The following SPPL3 variants were observed in gnomAD, a reference collection of about 807,000 sequenced individuals.
SPPL3 encodes signal peptide peptidase-like 3.
Under a neutral mutation model 42.4 loss-of-function variants are expected in SPPL3, and 5 were observed. The observed-to-expected ratio is 0.12, with a 90% CI of 0.06 to 0.25. SPPL3 has a LOEUF of 0.25. Ranked by LOEUF, SPPL3 falls within the 10% of genes least tolerant of loss-of-function variation. The pLI, the probability that SPPL3 is intolerant of heterozygous loss-of-function variation, is 1.00. For missense variants in SPPL3, 235 were observed against 489.0 expected, an observed-to-expected ratio of 0.48 and a Z score of 4.90; for synonymous variants, 195 against 181.8, an observed-to-expected ratio of 1.07 and a Z score of -0.58.
intron 3 of SPPL3, among the ~76,000 whole-genome samples, chr12:120,789,443 C>T (rs1467399433): frequency 9.9e-5 from 2 of 20,194 alleles, no homozygotes; most frequent in Non-Finnish European, 2.2e-4. Flanking sequence ...GACAGTGAGA[C>T]TCTGTCTCAA....
chr12:120,809,962 G>T (rs936785351), intron 2 of SPPL3, among the ~76,000 whole-genome samples: 2 of 149,052 alleles, frequency 1.3e-5, no homozygotes, highest in African/African-American at 2.5e-5. Flanking sequence ...AAGCATTTTA[G>T]GACAACATAA....
chr12:120,780,690 C>T (rs1415501538), intron 6 of SPPL3, among the ~76,000 whole-genome samples: 2 of 150,236 alleles, frequency 1.3e-5, no homozygotes, highest in Non-Finnish European at 3.0e-5. Context: ...GGGTTCGAGA[C>T]TAGCCTGACC....
At chr12:120,847,635 T>C (rs1872086107) in intron 1 of SPPL3, among the ~76,000 whole-genome samples, 1 of 151,814 alleles carries the variant, frequency 6.6e-6, no homozygotes, top group African/African-American at 2.4e-5. Context: ...CTCACTCTCT[T>C]GCCCAGGACG....
chr12:120,829,468 TACCTGCAGTC>T (rs1339940527), intron 1 of SPPL3, among the ~76,000 whole-genome samples: 2 of 151,894 alleles, frequency 1.3e-5, no homozygotes, highest in Non-Finnish European at 2.9e-5. Flanking sequence ...TGATGGTATA[TACCTGCAGTC>T]CCAGCTACTC....
chr12:120,821,170 A>C (rs1277548723), intron 1 of SPPL3, among the ~76,000 whole-genome samples: 2 of 152,240 alleles, frequency 1.3e-5, no homozygotes, highest in African/African-American at 4.8e-5. Context: ...CTTATTGCCT[A>C]GGATAGATAA....
Position 120,810,718 on chromosome 12 carries a change from T to A in SPPL3, c.101+91A>T. ...AATCCTGCCGAAGTCCTGTTTTTCT[T>A]CACAGAGTAAGTTTTGGTACCAGCA... On this transcript the variant is annotated intron_variant, in intron 2 of 10. Coordinates refer to ENST00000353487, the MANE Select transcript of SPPL3 (RefSeq NM_139015.5). 3.1e-6 allele frequency: 3 copies of A among 974,092 alleles called. No homozygotes were observed. In the East Asian group the frequency reaches 7.3e-5, roughly 24 times the overall value. The allele number at this position is 974,092 out of a possible 1,614,324, so 60.3% of individuals were successfully genotyped here.
At chr12:120,832,657 A>G (rs560026566) in intron 1 of SPPL3, among the ~76,000 whole-genome samples, 2 of 150,488 alleles carry the variant, frequency 1.3e-5, no homozygotes, top group East Asian at 3.9e-4. Context: ...CAAGAACGAA[A>G]CTCCGTCTCA....
chr12:120,865,378 C>A (rs546474907), intron 1 of SPPL3, among the ~76,000 whole-genome samples: 76 of 152,326 alleles, frequency 5.0e-4, no homozygotes, highest in Middle Eastern at 3.4e-3. Context: ...AGCACAGGCT[C>A]TAAAGTCAGT....
At chr12:120,857,657 G>T (rs1160263901) in intron 1 of SPPL3, among the ~76,000 whole-genome samples, 4 of 152,192 alleles carry the variant, frequency 2.6e-5, no homozygotes, top group Non-Finnish European at 5.9e-5. Flanking sequence ...ATTAGATCAT[G>T]TCCTTTTCAG....
rs549517104 is a variant in SPPL3 at position 120,765,443 on chromosome 12, A to G, written c.1084-373T>C. Among the ~76,000 whole-genome samples the G allele has an allele frequency of 6.6e-5, 10 of 150,952 alleles. No homozygotes were observed. The East Asian group carries it at 1.8e-3, about 27-fold the overall frequency. ...GCTGGGATTACAGGCACTCACCACC[A>G]TGCCCAGTTCATTTTTGTGTTTTTA... On this transcript the variant is annotated intron_variant, in intron 10 of 10. Transcript: ENST00000353487.
At chr12:120,884,579 T>C (rs1295190761) in intron 1 of SPPL3, among the ~76,000 whole-genome samples, 3 of 150,530 alleles carry the variant, frequency 2.0e-5, no homozygotes, top group East Asian at 1.9e-4. Flanking sequence ...ACTGTCACAA[T>C]ATATGGATTT....
intron 1 of SPPL3, among the ~76,000 whole-genome samples, chr12:120,877,380 G>C (rs1873137103): frequency 6.6e-6 from 1 of 151,526 alleles, no homozygotes. Flanking sequence ...GCATTACCCT[G>C]ATACCAAAAC....
At chr12:120,832,627 T>C (rs1029418747) in intron 1 of SPPL3, among the ~76,000 whole-genome samples, 10 of 151,776 alleles carry the variant, frequency 6.6e-5, no homozygotes, top group Admixed American at 3.3e-4. Flanking sequence ...GATCACACCA[T>C]TGCACTCCGG....
At chr12:120,854,385 T>C (rs1373892848) in intron 1 of SPPL3, among the ~76,000 whole-genome samples, 1 of 152,214 alleles carries the variant, frequency 6.6e-6, no homozygotes, top group South Asian at 2.1e-4. Flanking sequence ...CATACTCTAG[T>C]AGTCTGATGC....
chr12:120,846,214 A>C (rs766907334), intron 1 of SPPL3, among the ~76,000 whole-genome samples: 7 of 152,226 alleles, frequency 4.6e-5, no homozygotes, highest in Non-Finnish European at 8.8e-5. Context: ...TGGCACATAC[A>C]TAACAAGAGC....
intron 1 of SPPL3, among the ~76,000 whole-genome samples, chr12:120,870,107 GA>G (rs1403965947): frequency 1.3e-5 from 2 of 152,040 alleles, no homozygotes; most frequent in Non-Finnish European, 2.9e-5. Context: ...TGTCAACATG[GA>G]AAAAAGAACA....
intron 6 of SPPL3, among the ~76,000 whole-genome samples, chr12:120,772,274 G>A (rs1394683382): frequency 6.6e-6 from 1 of 152,012 alleles, no homozygotes; most frequent in Admixed American, 6.6e-5. Flanking sequence ...CACCCACCCC[G>A]GCCTCCCAAA....
intron 1 of SPPL3, among the ~76,000 whole-genome samples, chr12:120,855,849 G>A (rs1166820162): frequency 6.6e-6 from 1 of 152,204 alleles, no homozygotes; most frequent in East Asian, 1.9e-4. Context: ...AGAGCCACAT[G>A]GGGTGGTCTC....
In SPPL3 at chr12:120,903,936, G is replaced by T; in HGVS notation, c.-69C>A. 2 of 1,257,296 alleles carry T rather than the reference G, an allele frequency of 1.6e-6. No homozygotes were observed. The highest frequency in any genetic ancestry group is 2.0e-6 in the Non-Finnish European group (2 of 991,160). 77.9% of individuals were successfully genotyped at this position (1,257,296 alleles called of 1,614,324 possible). Reference sequence around the variant, plus strand: ...CGGCGGCGGCGGGCTCGCTCGGGCCGTAGCTGAAGGCGCGGCCGGGGTCCG... The same window carrying T: ...CGGCGGCGGCGGGCTCGCTCGGGCCTTAGCTGAAGGCGCGGCCGGGGTCCG... On this transcript the variant is annotated 5_prime_UTR_variant, in exon 1 of 11. Coordinates refer to ENST00000353487, the MANE Select transcript of SPPL3 (RefSeq NM_139015.5).
Sources: gnomAD v4.1 joint callset for allele counts (sites outside exome capture counted in the v4.1 genomes callset) on GRCh38, gnomAD v4.1.1 for gene constraint, MANE v1.5 for transcripts, NCBI Gene and HGNC (gene_info 2026-07-23, HGNC 2026-07-21) for gene names.